PGAP2: variants seen among roughly 807,000 people sequenced by gnomAD.
PGAP2 encodes post-GPI attachment to proteins 2, also known as acyltransferase PGAP2.
Under a neutral mutation model 33.2 loss-of-function variants are expected in PGAP2, and 21 were observed. The observed-to-expected ratio is 0.63, with a 90% CI of 0.45 to 0.91. PGAP2 has a LOEUF of 0.91. Among genes scored for constraint, PGAP2 ranks in the 40% least tolerant of loss-of-function variants. The probability of loss-of-function intolerance (pLI) is 0.00; values close to 1 mark genes in which losing one functional copy is unlikely to be tolerated. For synonymous variants in PGAP2, 161 were observed against 172.9 expected, an observed-to-expected ratio of 0.93 and a Z score of 0.54; for missense variants, 345 against 424.0, an observed-to-expected ratio of 0.81 and a Z score of 1.64.
At position 3,824,143 on chromosome 11, in the gene PGAP2, C is replaced by T. The variant is rs749926587; in HGVS notation, c.601+8C>T. On this transcript the variant is annotated splice_region_variant and intron_variant, in intron 4 of 6. Transcript: ENST00000278243. ...CCTCCTCCGAGGACTTCAGTGGGTG[C>T]CTGGATGAGGGAGGAGTGGGGAAGT... is the stretch of plus-strand genomic sequence containing the variant. 2 of 1,613,780 alleles carry T rather than the reference C, an allele frequency of 1.2e-6. No individual in the cohort carries two copies. Among genetic ancestry groups the T allele is most frequent in the East Asian group, 2.2e-5 (1 of 44,882 alleles).
At chr11:3,813,007 G>A (rs1394825744) in intron 2 of PGAP2, among the ~76,000 whole-genome samples, 4 of 152,072 alleles carry the variant, frequency 2.6e-5, no homozygotes, top group East Asian at 1.9e-4. Context: ...TTCCTGTTAC[G>A]CTAGCCACTC....
In PGAP2 at chr11:3,811,147, C is replaced by T. The variant is rs2085475673; in HGVS notation, c.-10-103C>T. 17 of 1,094,692 alleles carry T rather than the reference C, an allele frequency of 1.6e-5. No individual in the cohort carries two copies. The highest frequency in any genetic ancestry group is 2.1e-5 in the Non-Finnish European group (16 of 756,304). 67.8% of individuals were successfully genotyped at this position (1,094,692 alleles called of 1,614,324 possible). A position where few individuals can be genotyped will look rare whatever the true frequency, so the allele number is the denominator to read the frequency against. On this transcript the variant is annotated intron_variant, in intron 1 of 6. Coordinates refer to ENST00000278243, the MANE Select transcript of PGAP2 (RefSeq NM_014489.4). The surrounding 1 kb of genome is among the most constrained non-coding windows in gnomAD (Gnocchi z 4.6). ...GCCTTCCTCCTCAGACTCCCCACCC[C>T]ACAGCACACAGCTAATTTTAGGACT...
chr11:3,797,886 GT>G lies in PGAP2; in HGVS notation c.44del (p.Val15GlyfsTer18). On this transcript the variant is annotated frameshift_variant, in exon 1 of 7. Coordinates refer to the PGAP2 transcript ENST00000300730. LOFTEE classifies it high-confidence loss of function. The stretch of plus-strand genomic sequence containing the variant: ...CACCGGCGGGGTGTCGGGAAGGGTG[GT>G]GACGCAACATAGAGACTCCGCCCCC... 6.5e-7 allele frequency: 1 copy of G among 1,549,738 alleles called. No homozygotes were observed. The highest frequency in any genetic ancestry group is 1.4e-5 in the African/African-American group (1 of 72,972).
chr11:3,805,921 G>A (rs1462374155), upstream of PGAP2, among the ~76,000 whole-genome samples: 1 of 151,746 alleles, frequency 6.6e-6, no homozygotes, highest in East Asian at 2.0e-4. Context: ...TCTTGACCTT[G>A]TGATCCGCCC....
upstream of PGAP2, chr11:3,797,815 A>C: frequency 1.3e-6 from 2 of 1,547,938 alleles, no homozygotes; most frequent in Middle Eastern, 1.7e-4. Context: ...TCGTGACGTC[A>C]CACAGGGCCT....
chr11:3,797,822 G>T (rs990938951), exon 1 of PGAP2: 29 of 1,549,346 alleles, frequency 1.9e-5, no homozygotes, highest in African/African-American at 8.2e-5. Flanking sequence ...GTCACACAGG[G>T]CCTCTCGAAG....
chr11:3,797,771 C>A (rs1443439558), upstream of PGAP2: 3 of 1,529,392 alleles, frequency 2.0e-6, no homozygotes, highest in Non-Finnish European at 2.6e-6. Context: ...GCCGTGGAGT[C>A]CCGCCCCTCG....
chr11:3,814,512 C>T (rs771510934), intron 2 of PGAP2, among the ~76,000 whole-genome samples: 19 of 152,170 alleles, frequency 1.2e-4, no homozygotes, highest in Non-Finnish European at 2.6e-4. Context: ...CTGCCTTGGC[C>T]TCCCAAAGTG....
intron 1 of PGAP2, among the ~76,000 whole-genome samples, chr11:3,809,212 G>T (rs1020329700): frequency 1.3e-5 from 2 of 152,166 alleles, no homozygotes; most frequent in Admixed American, 6.5e-5. Flanking sequence ...AGCTGAGGTA[G>T]CTCCAAAGAA....
chr11:3,825,160 T>G, intron 6 of PGAP2, 32 bp downstream of exon 6: 1 of 1,606,292 alleles, frequency 6.2e-7, no homozygotes, highest in Non-Finnish European at 8.5e-7. Context: ...CAGGCGGTCA[T>G]GAGTGGCTGC....
At chr11:3,819,392 G>C (rs1565035345) in intron 3 of PGAP2, among the ~76,000 whole-genome samples, 2 of 152,122 alleles carry the variant, frequency 1.3e-5, no homozygotes, top group East Asian at 3.9e-4. Context: ...CCAGAGCCAA[G>C]ATGCGGACTG....
At chr11:3,805,266 T>C (rs1044525986), upstream of PGAP2, among the ~76,000 whole-genome samples, 1 of 149,950 alleles carries the variant, frequency 6.7e-6, no homozygotes, top group African/African-American at 2.5e-5. Context: ...ATTCTTTTTT[T>C]TTTTTTTTTT....
At chr11:3,800,608 G>A (rs1454584300) in intron 1 of PGAP2, among the ~76,000 whole-genome samples, 14 of 151,470 alleles carry the variant, frequency 9.2e-5, no homozygotes, top group Admixed American at 6.6e-5. Context: ...TCAGGAGATC[G>A]AGACCAGCCT....
intron 3 of PGAP2, among the ~76,000 whole-genome samples, chr11:3,823,147 C>A (rs1325030799): frequency 7.2e-6 from 1 of 139,148 alleles, no homozygotes; most frequent in Non-Finnish European, 1.5e-5. Context: ...CACAGTTCTT[C>A]TGATCAGCCT....
chr11:3,809,761 C>G (rs2085161942), intron 1 of PGAP2, among the ~76,000 whole-genome samples: 1 of 152,164 alleles, frequency 6.6e-6, no homozygotes, highest in South Asian at 2.1e-4. Flanking sequence ...TTCCAGCTCC[C>G]TGGGATCCCT....
chr11:3,818,709 G>T (rs2087750230), intron 3 of PGAP2, among the ~76,000 whole-genome samples: 1 of 152,212 alleles, frequency 6.6e-6, no homozygotes. Context: ...TAAAGGTTCT[G>T]TTGTGCTAGG....
chr11:3,821,483 G>A (rs997996604), intron 3 of PGAP2, among the ~76,000 whole-genome samples: 5 of 152,128 alleles, frequency 3.3e-5, no homozygotes, highest in African/African-American at 1.2e-4. Flanking sequence ...TCTTGCTGGG[G>A]GTGGTGGCTC....
intron 1 of PGAP2, among the ~76,000 whole-genome samples, chr11:3,809,566 G>T (rs1274659888): frequency 6.6e-6 from 1 of 152,170 alleles, no homozygotes; most frequent in Admixed American, 6.5e-5. Context: ...GGTTCCTCAG[G>T]GATCTAGAGC....
chr11:3,812,096 C>T (rs923733940), intron 2 of PGAP2, among the ~76,000 whole-genome samples: 1 of 152,014 alleles, frequency 6.6e-6, no homozygotes, highest in African/African-American at 2.4e-5. Context: ...TCTGTGTACC[C>T]TCTGGACAGG....
Sources: gnomAD v4.1 joint callset for allele counts (sites outside exome capture counted in the v4.1 genomes callset) on GRCh38, gnomAD v4.1.1 for gene constraint, Gnocchi (gnomAD v3.1) non-coding constraint, MANE v1.5 for transcripts, NCBI Gene and HGNC (gene_info 2026-07-23, HGNC 2026-07-21) for gene names.